SLC25A26: variants seen among roughly 807,000 people sequenced by gnomAD.
SLC25A26 encodes mitochondrial S-adenosylmethionine carrier protein.
In SLC25A26, 36 loss-of-function variants were observed where a neutral mutation model predicts 37.8. The ratio of observed to expected loss-of-function variants is 0.95; its 90% CI spans 0.73 to 1.26. The LOEUF (loss-of-function observed/expected upper bound fraction) is 1.26, where lower values mean the gene tolerates loss of function less well. Among genes scored for constraint, SLC25A26 ranks in the 50% most tolerant of loss-of-function variants. SLC25A26 has a pLI of 0.00. For synonymous variants in SLC25A26, 129 were observed against 122.5 expected (o/e 1.05, Z -0.35); for missense variants, 390 against 331.1 (o/e 1.18, Z -1.38).
intron 1 of SLC25A26, among the ~76,000 whole-genome samples, chr3:66,147,992 C>T (rs767429468): frequency 6.6e-5 from 10 of 151,852 alleles, no homozygotes; most frequent in South Asian, 2.1e-4. Context: ...CTCCTGACCT[C>T]GTGATCCGCC....
intron 5 of SLC25A26, among the ~76,000 whole-genome samples, chr3:66,293,752 G>A (rs1319421801): frequency 1.3e-5 from 2 of 152,162 alleles, no homozygotes; most frequent in Non-Finnish European, 2.9e-5. Context: ...AGTATTCATG[G>A]TATATATGTA....
intron 5 of SLC25A26, among the ~76,000 whole-genome samples, chr3:66,322,993 T>A (rs2075737175): frequency 6.6e-6 from 1 of 152,220 alleles, no homozygotes; most frequent in Admixed American, 6.5e-5. Context: ...TCAAGATAAG[T>A]AAGGTATTAT....
chr3:66,150,373 C>T (rs895442181), intron 1 of SLC25A26, among the ~76,000 whole-genome samples: 4 of 150,270 alleles, frequency 2.7e-5, no homozygotes, highest in African/African-American at 7.4e-5. Context: ...TGGTGGGCAC[C>T]TGTAATCCCA....
chr3:66,284,912 A>G (rs908977676), intron 5 of SLC25A26, among the ~76,000 whole-genome samples: 1 of 152,246 alleles, frequency 6.6e-6, no homozygotes, highest in African/African-American at 2.4e-5. Context: ...ATTTTTCAAC[A>G]TAAAAGGATA....
At chr3:66,209,225 T>C (rs1399536012) in intron 1 of SLC25A26, among the ~76,000 whole-genome samples, 1 of 137,964 alleles carries the variant, frequency 7.2e-6, no homozygotes, top group Non-Finnish European at 1.5e-5. Context: ...ACACAAAGAA[T>C]ATATAACGAT....
intron 3 of SLC25A26, among the ~76,000 whole-genome samples, chr3:66,259,489 A>G (rs1167247090): frequency 6.6e-6 from 1 of 151,920 alleles, no homozygotes; most frequent in Non-Finnish European, 1.5e-5. Context: ...TGCTAATCTC[A>G]TGTTTTGGGA....
intron 1 of SLC25A26, among the ~76,000 whole-genome samples, chr3:66,213,449 T>C (rs2071315121): frequency 6.7e-6 from 1 of 148,470 alleles, no homozygotes; most frequent in South Asian, 2.1e-4. Context: ...GACTTTCTTT[T>C]AAAATATATA....
intron 1 of SLC25A26, among the ~76,000 whole-genome samples, chr3:66,152,682 A>G (rs1486884970): frequency 6.6e-6 from 1 of 150,548 alleles, no homozygotes; most frequent in Admixed American, 6.6e-5. Context: ...CTTAGGTTAT[A>G]TCTGGGGTAG....
chr3:66,371,067 G>C (rs1271265080), intron 9 of SLC25A26: 10 of 1,306,942 alleles, frequency 7.7e-6, no homozygotes, highest in Non-Finnish European at 1.0e-5. Flanking sequence ...TGCTACAGAA[G>C]TGCCTCAGAC....
rs1421470735 is a variant in SLC25A26, at chr3:66,262,151, A to T, written c.401A>T (p.Glu134Val). The T allele has an allele frequency of 2.0e-6, 3 of 1,509,866 alleles. No homozygotes were observed. The highest frequency in any genetic ancestry group is 1.7e-4 in the Middle Eastern group (1 of 5,902). 93.5% of individuals were successfully genotyped at this position (1,509,866 alleles called of 1,614,324 possible). A position where few individuals can be genotyped will look rare whatever the true frequency, so the allele number is the denominator to read the frequency against. The change falls in exon 4 of 10, where the codon GAA (glutamate) becomes GTA (valine). Residue 134 changes from glutamate to valine, a missense_variant. Transcript: ENST00000354883. ...CAGATTTTCTCTAACATCTTATATGAAGAGGTGAGATGGGTTTTTTAAGCT... is the reference window on the plus strand; with the variant it reads ...CAGATTTTCTCTAACATCTTATATGTAGAGGTGAGATGGGTTTTTTAAGCT... ...TFQIFSNILY[E>V]EGIQGLYRGY... is the part of the protein sequence containing the mutation.
chr3:66,298,045 T>C (rs1162606467), intron 5 of SLC25A26, among the ~76,000 whole-genome samples: 1 of 152,344 alleles, frequency 6.6e-6, no homozygotes, highest in Non-Finnish European at 1.5e-5. Flanking sequence ...CTGCATTCCC[T>C]AGGAACTTGC....
In SLC25A26 at chr3:66,179,230, A is replaced by C. The variant is rs553956799; in HGVS notation, c.-353-41512A>C. On this transcript the variant is annotated intron_variant, in intron 1 of 10. Transcript: ENST00000676754. Reference sequence around the variant, plus strand: ...TTTGGCAAGTTCAAAGCTTTGAAAAAAATTAAGATGACCTATAAATGTAGC... The same window carrying C: ...TTTGGCAAGTTCAAAGCTTTGAAAACAATTAAGATGACCTATAAATGTAGC... 2.6e-4 allele frequency among the ~76,000 whole-genome samples: 40 copies of C among 152,338 alleles called. No homozygotes were observed. In the East Asian group the frequency reaches 7.1e-3, roughly 27 times the overall value.
At chr3:66,186,288 A>G (rs1237832938) in intron 1 of SLC25A26, among the ~76,000 whole-genome samples, 1 of 151,532 alleles carries the variant, frequency 6.6e-6, no homozygotes, top group African/African-American at 2.4e-5. Flanking sequence ...TCATCATGAT[A>G]TTATCTCACT....
At chr3:66,145,587 G>GT (rs935104161) in intron 1 of SLC25A26, among the ~76,000 whole-genome samples, 11 of 151,576 alleles carry the variant, frequency 7.3e-5, no homozygotes, top group East Asian at 1.9e-4. Flanking sequence ...TATAACTTTT[G>GT]TTTTTTTTTA....
At chr3:66,173,930 G>GT (rs1006568231) in intron 1 of SLC25A26, among the ~76,000 whole-genome samples, 2 of 152,132 alleles carry the variant, frequency 1.3e-5, no homozygotes, top group Non-Finnish European at 2.9e-5. Context: ...GCGCATGCCT[G>GT]TAATCCCAGC....
At chr3:66,147,974 G>C (rs568537012) in intron 1 of SLC25A26, among the ~76,000 whole-genome samples, 1 of 152,064 alleles carries the variant, frequency 6.6e-6, no homozygotes, top group African/African-American at 2.4e-5. Context: ...GGCCAGGCTG[G>C]TCTGGAACTC....
chr3:66,356,702 A>T (rs572462008), intron 6 of SLC25A26, among the ~76,000 whole-genome samples: 3 of 152,206 alleles, frequency 2.0e-5, no homozygotes, highest in East Asian at 3.9e-4. Flanking sequence ...GATCGCTGAT[A>T]ACTGCAGCTT....
rs144466178 is a variant in SLC25A26 at position 66,349,952 on chromosome 3, A to G, written c.498+3544A>G. Among the ~76,000 whole-genome samples, 7 of 152,290 alleles carry G rather than the reference A, an allele frequency of 4.6e-5. No individual in the cohort carries two copies. In the East Asian group the frequency reaches 1.3e-3, roughly 29 times the overall value. ...TGGGGTTTTAATTTCTAGTTCCCTC[A>G]TGACTAAATAATGTTGAGCATCTTT... On this transcript the variant is annotated intron_variant, in intron 6 of 9. Coordinates refer to ENST00000354883, the MANE Select transcript of SLC25A26 (RefSeq NM_001379210.1).
At chr3:66,373,373 G>C (rs1700458062) in intron 9 of SLC25A26, among the ~76,000 whole-genome samples, 3 of 152,214 alleles carry the variant, frequency 2.0e-5, no homozygotes. Flanking sequence ...TACGTTAATA[G>C]ATTCAGTGGT....
Sources: gnomAD v4.1 joint callset for allele counts (sites outside exome capture counted in the v4.1 genomes callset) on GRCh38, gnomAD v4.1.1 for gene constraint, MANE v1.5 for transcripts, NCBI Gene and HGNC (gene_info 2026-07-23, HGNC 2026-07-21) for gene names.